CNOT10: variants seen among roughly 807,000 people sequenced by gnomAD.
The protein encoded by CNOT10 is CCR4-NOT transcription complex subunit 10.
Under a neutral mutation model 94.6 loss-of-function variants are expected in CNOT10, and 30 were observed. The ratio of observed to expected loss-of-function variants is 0.32; its 90% CI spans 0.24 to 0.43. CNOT10 has a LOEUF of 0.43. CNOT10 is among the 20% of genes least tolerant of loss of function. CNOT10 has a pLI of 1.00. For synonymous variants in CNOT10, 289 were observed against 301.6 expected, an observed-to-expected ratio of 0.96 and a Z score of 0.43; for missense variants, 759 against 877.2, an observed-to-expected ratio of 0.87 and a Z score of 1.70.
At chr3:32,714,238 A>T (rs1698019732) in intron 5 of CNOT10, among the ~76,000 whole-genome samples, 1 of 152,118 alleles carries the variant, frequency 6.6e-6, no homozygotes, top group Non-Finnish European at 1.5e-5. Context: ...ATCTTGTTAC[A>T]GTTTTGATTT....
At position 32,773,539 on chromosome 3, in the gene CNOT10, G is replaced by T; in HGVS notation, c.2163G>T (p.Lys721Asn). The T allele has an allele frequency of 6.2e-7, 1 of 1,614,184 alleles. No homozygotes were observed. The highest frequency in any genetic ancestry group is 1.1e-5 in the South Asian group (1 of 91,078). The part of the protein sequence containing the change: ...AVKTHSEVRK[K>N]PVFQPVHPIQ... ...AAACACACTCTGAAGTGAGAAAGAA[G>T]CCAGTGTTTCAGCCTGTCCACCCGA... Residue 721 changes from lysine (K) to asparagine (N), a missense_variant, in exon 19 of 19, where the codon AAG becomes AAT. Lys to Asn is a moderately conservative substitution (Grantham distance 94). This residue lies in a region of CNOT10 where 73 missense variants were observed against 61.0 expected (regional missense o/e 1.20). Transcript: ENST00000328834.
At chr3:32,699,837 T>G (rs1559478955) in intron 1 of CNOT10, among the ~76,000 whole-genome samples, 1 of 152,178 alleles carries the variant, frequency 6.6e-6, no homozygotes, top group African/African-American at 2.4e-5. Flanking sequence ...TTGACAACTT[T>G]CTGGAAAGTT....
At chr3:32,694,244 A>G (rs1192660772) in intron 1 of CNOT10, among the ~76,000 whole-genome samples, 3 of 151,812 alleles carry the variant, frequency 2.0e-5, no homozygotes, top group Admixed American at 6.6e-5. Context: ...TAGTCTTGGT[A>G]AAATTTTTTA....
intron 13 of CNOT10, among the ~76,000 whole-genome samples, chr3:32,739,606 G>A (rs980212765): frequency 3.4e-5 from 5 of 148,912 alleles, no homozygotes; most frequent in African/African-American, 5.1e-5. Flanking sequence ...GGGCAACATG[G>A]TGAGACCCTG....
At chr3:32,695,753 C>G in intron 1 of CNOT10, 4 of 1,535,858 alleles carry the variant, frequency 2.6e-6, no homozygotes, top group Non-Finnish European at 3.5e-6. Context: ...CGGTCGTATA[C>G]TCTTTCAATT....
chr3:32,688,747 C>G (rs974018878), intron 1 of CNOT10, among the ~76,000 whole-genome samples: 5 of 151,812 alleles, frequency 3.3e-5, no homozygotes, highest in African/African-American at 4.8e-5. Context: ...ATAAGTGAAA[C>G]CCTGACTCTA....
chr3:32,713,897 T>A lies in CNOT10; in HGVS notation c.573+528T>A, dbSNP rs77590151. Among the ~76,000 whole-genome samples, 1,053 of 152,356 alleles carry A rather than the reference T, an allele frequency of 6.9e-3. 6 individuals are homozygous for A. Among genetic ancestry groups the A allele is most frequent in the African/African-American group, 0.02 (831 of 41,580 alleles). On this transcript the variant is annotated intron_variant, in intron 5 of 18. Transcript: ENST00000328834. ...TTCATTATATGAATATGCCACATTT[T>A]AAAAAATTCTTTATCAGTTGGTGGA...
In CNOT10 at chr3:32,685,212, C is replaced by T. The variant is rs974466942; in HGVS notation, c.-249C>T. On this transcript the variant is annotated 5_prime_UTR_variant, in exon 1 of 19. Transcript: ENST00000328834. ...TAGTGGGTACCGGGACGCCGTGAGGCGGAAGCTGTGTATGGCGGGAGGCTG... is the reference window on the plus strand; with the variant it reads ...TAGTGGGTACCGGGACGCCGTGAGGTGGAAGCTGTGTATGGCGGGAGGCTG... 9.3e-6 allele frequency: 4 copies of T among 428,300 alleles called. No individual in the cohort carries two copies. Among genetic ancestry groups the T allele is most frequent in the African/African-American group, 2.1e-5 (1 of 47,876 alleles). 26.5% of individuals were successfully genotyped at this position (428,300 alleles called of 1,614,324 possible).
At chr3:32,748,900 T>G (rs990086888) in intron 13 of CNOT10, among the ~76,000 whole-genome samples, 7 of 150,808 alleles carry the variant, frequency 4.6e-5, no homozygotes, top group African/African-American at 1.7e-4. Context: ...GCACAGTCTT[T>G]GCTCACCCAC....
chr3:32,767,383 G>A (rs566166111), intron 17 of CNOT10, among the ~76,000 whole-genome samples: 1 of 152,144 alleles, frequency 6.6e-6, no homozygotes, highest in South Asian at 2.1e-4. Context: ...GCTGGGCGTG[G>A]TAGCACATGC....
chr3:32,698,378 A>T (rs752436031), intron 1 of CNOT10, among the ~76,000 whole-genome samples: 3 of 152,280 alleles, frequency 2.0e-5, no homozygotes, highest in Non-Finnish European at 4.4e-5. Flanking sequence ...AGTACAAGTT[A>T]TACAGTATTA....
chr3:32,704,140 A>G lies in CNOT10; in HGVS notation c.117+178A>G, dbSNP rs138163550. On this transcript the variant is annotated intron_variant, in intron 2 of 18. Transcript: ENST00000328834. The stretch of plus-strand genomic sequence containing the variant: ...TTAGAGTTTAAATATGGTGAAAGGA[A>G]TGGGAATAATTGGAGCCATTCCCAA... 7.4e-4 allele frequency among the ~76,000 whole-genome samples: 112 copies of G among 152,352 alleles called. No homozygotes were observed. In the East Asian group the frequency reaches 0.015, roughly 21 times the overall value.
chr3:32,737,025 A>G (rs1264258619), intron 12 of CNOT10, among the ~76,000 whole-genome samples: 1 of 152,202 alleles, frequency 6.6e-6, no homozygotes, highest in Non-Finnish European at 1.5e-5. Context: ...AAAAAGTTAC[A>G]TGGGAGGCCG....
chr3:32,720,007 A>T, intron 7 of CNOT10, 107 bp from the exon 8 acceptor site: 2 of 511,652 alleles, frequency 3.9e-6, no homozygotes, highest in Non-Finnish European at 7.0e-6. Context: ...TGACTGACTT[A>T]ATTGATTCAT....
chr3:32,703,731 C>T (rs1697479789), intron 1 of CNOT10, 137 bp from the exon 2 acceptor site: 1 of 615,078 alleles, frequency 1.6e-6, no homozygotes, highest in South Asian at 2.0e-5. Flanking sequence ...TTAAGAACTG[C>T]TTATTTCTGG....
intron 10 of CNOT10, among the ~76,000 whole-genome samples, chr3:32,729,117 T>C (rs1021383983): frequency 1.3e-5 from 2 of 152,100 alleles, no homozygotes. Context: ...GATAACATAA[T>C]GTGGAAAGAG....
At chr3:32,698,700 G>A (rs757143938) in intron 1 of CNOT10, among the ~76,000 whole-genome samples, 2 of 152,142 alleles carry the variant, frequency 1.3e-5, no homozygotes, top group Non-Finnish European at 2.9e-5. Context: ...TTGCCTTCTT[G>A]GAAAAGGGAA....
chr3:32,710,290 A>G (rs1398618932), intron 4 of CNOT10, among the ~76,000 whole-genome samples: 1 of 148,864 alleles, frequency 6.7e-6, no homozygotes. Flanking sequence ...TTTTTTTTTA[A>G]ACTTTTACTG....
In CNOT10 at chr3:32,685,430, TG is replaced by T; in HGVS notation, c.-30del. 6 of 1,550,006 alleles carry T rather than the reference TG, an allele frequency of 3.9e-6. No individual in the cohort carries two copies. The highest frequency in any genetic ancestry group is 4.4e-6 in the Non-Finnish European group (5 of 1,146,694). Reference sequence around the variant, plus strand: ...CGGCGGGAGTCAGGGCCACGCCACCTGCAGGGAAGAACCCGAGTCGAAGCGG... The same window carrying T: ...CGGCGGGAGTCAGGGCCACGCCACCTCAGGGAAGAACCCGAGTCGAAGCGG... On this transcript the variant is annotated 5_prime_UTR_variant, in exon 1 of 19. Transcript: ENST00000328834.
Sources: allele counts gnomAD v4.1 joint callset (sites outside exome capture counted in the v4.1 genomes callset), GRCh38; gene constraint gnomAD v4.1.1; regional missense constraint gnomAD v4.1.1; transcripts MANE v1.5; gene names NCBI Gene and HGNC (gene_info 2026-07-23, HGNC 2026-07-21).